The following PTPRD variants were observed in gnomAD, a reference collection of about 807,000 sequenced individuals.
PTPRD encodes the protein protein tyrosine phosphatase receptor type D.
A neutral mutation model predicts 214.5 loss-of-function variants in PTPRD; 34 were observed. That is an observed-to-expected ratio of 0.16 (90% CI 0.12 to 0.21). PTPRD has a LOEUF of 0.21. Among genes scored for constraint, PTPRD ranks in the 10% least tolerant of loss-of-function variants. The pLI is 1.00. For missense variants in PTPRD, 2,545 were observed against 2,398.7 expected (o/e 1.06, Z -1.27); for synonymous variants, 1,128 against 845.7 (o/e 1.33, Z -5.79).
intron 10 of PTPRD, among the ~76,000 whole-genome samples, chr9:9,106,682 G>T (rs2099799108): frequency 7.1e-6 from 1 of 141,842 alleles, no homozygotes; most frequent in African/African-American, 2.6e-5. Context: ...TGTATAATTT[G>T]CCAATAGAAT....
chr9:9,113,346 C>T (rs116193600), intron 10 of PTPRD, among the ~76,000 whole-genome samples: 4,710 of 151,898 alleles, frequency 0.031, 159 homozygotes, highest in African/African-American at 0.08. Context: ...TAAGTATATT[C>T]GATATTTACT....
intron 5 of PTPRD, among the ~76,000 whole-genome samples, chr9:9,778,074 C>T (rs1260111961): frequency 6.6e-6 from 1 of 152,156 alleles, no homozygotes; most frequent in South Asian, 2.1e-4. Flanking sequence ...GGAAGTGACA[C>T]TCCCATTGAG....
At chr9:9,901,621 C>G (rs1171623523) in intron 5 of PTPRD, among the ~76,000 whole-genome samples, 2 of 151,996 alleles carry the variant, frequency 1.3e-5, no homozygotes, top group African/African-American at 2.4e-5. Flanking sequence ...CCAGAGAAAT[C>G]TGACTTCTTT....
intron 10 of PTPRD, among the ~76,000 whole-genome samples, chr9:9,032,966 C>A (rs1047363638): frequency 6.6e-6 from 1 of 152,052 alleles, no homozygotes; most frequent in Admixed American, 6.6e-5. Flanking sequence ...CCAGCAGATA[C>A]ACTTCATATT....
chr9:10,247,006 T>C (rs2092218843), intron 3 of PTPRD, among the ~76,000 whole-genome samples: 1 of 152,104 alleles, frequency 6.6e-6, no homozygotes, highest in African/African-American at 2.4e-5. Flanking sequence ...ACAAACTAAA[T>C]ACTCACTAAC....
rs768935021 is a variant in PTPRD, at chr9:10,063,465, C to A, written c.-544-29675G>T. ...CGTTATGAAGAGCAAAAAGAGAAATCTTGGGGTTTATGATCTAGATATCTA... is the reference window on the plus strand; with the variant it reads ...CGTTATGAAGAGCAAAAAGAGAAATATTGGGGTTTATGATCTAGATATCTA... On this transcript the variant is annotated intron_variant, in intron 3 of 45. Transcript: ENST00000381196. 2.6e-5 allele frequency among the ~76,000 whole-genome samples: 4 copies of A among 151,932 alleles called. No homozygotes were observed. The South Asian group carries it at 6.2e-4, about 24-fold the overall frequency.
intron 2 of PTPRD, among the ~76,000 whole-genome samples, chr9:10,370,506 A>T (rs2097589606): frequency 6.6e-6 from 1 of 152,074 alleles, no homozygotes; most frequent in Non-Finnish European, 1.5e-5. Flanking sequence ...AAACTTCTAC[A>T]TGTTTGGCCT....
chr9:9,325,814 A>T (rs1372481809), intron 9 of PTPRD, among the ~76,000 whole-genome samples: 1 of 152,164 alleles, frequency 6.6e-6, no homozygotes, highest in Non-Finnish European at 1.5e-5. Context: ...ATTCAGTATA[A>T]TACTGGCTGT....
chr9:10,604,378 T>G (rs893997543), intron 2 of PTPRD, among the ~76,000 whole-genome samples: 6 of 151,782 alleles, frequency 4.0e-5, no homozygotes, highest in African/African-American at 1.5e-4. Flanking sequence ...TCTTAGTGAA[T>G]GTGTAATTTG....
At chr9:8,777,223 T>A (rs10815938) in intron 11 of PTPRD, among the ~76,000 whole-genome samples, 83,566 of 151,258 alleles carry the variant, frequency 0.55, 23,134 homozygotes, top group Middle Eastern at 0.64. Context: ...CAAGTGATAC[T>A]CCTGCTTCCA....
chr9:8,473,098 C>G (rs575663240), intron 30 of PTPRD, among the ~76,000 whole-genome samples: 1 of 152,088 alleles, frequency 6.6e-6, no homozygotes, highest in Non-Finnish European at 1.5e-5. Flanking sequence ...CATGAAATTC[C>G]GTGAGCTGCA....
chr9:9,046,789 A>G (rs1190031062), intron 10 of PTPRD, among the ~76,000 whole-genome samples: 2 of 152,164 alleles, frequency 1.3e-5, no homozygotes, highest in Non-Finnish European at 2.9e-5. Context: ...ATATCTGTTT[A>G]CAACATACCC....
At chr9:8,876,743 T>C (rs1461818636) in intron 11 of PTPRD, among the ~76,000 whole-genome samples, 1 of 152,174 alleles carries the variant, frequency 6.6e-6, no homozygotes, top group Non-Finnish European at 1.5e-5. Context: ...CAGGTACCCT[T>C]TGCAAATAAG....
intron 2 of PTPRD, among the ~76,000 whole-genome samples, chr9:10,573,432 T>A (rs1039953971): frequency 3.3e-5 from 5 of 152,136 alleles, no homozygotes; most frequent in Non-Finnish European, 5.9e-5. Flanking sequence ...GATATCCTCA[T>A]AGTGCACACA....
chr9:9,355,971 A>C (rs2053608843), intron 9 of PTPRD, among the ~76,000 whole-genome samples: 1 of 151,498 alleles, frequency 6.6e-6, no homozygotes, highest in Admixed American at 6.6e-5. Flanking sequence ...CAGTAAGATT[A>C]AACAAAATGG....
chr9:8,957,806 T>A (rs918608080), intron 11 of PTPRD, among the ~76,000 whole-genome samples: 3 of 151,734 alleles, frequency 2.0e-5, no homozygotes, highest in Non-Finnish European at 4.4e-5. Flanking sequence ...AGTATGCAAG[T>A]GCTGGGAAGT....
Position 9,590,316 on chromosome 9 carries a change from C to A in PTPRD, c.-286-15535G>T, listed in dbSNP as rs183339950. 5.9e-5 allele frequency among the ~76,000 whole-genome samples: 9 copies of A among 151,938 alleles called. No homozygotes were observed. In the East Asian group the frequency reaches 1.8e-3, roughly 30 times the overall value. On this transcript the variant is annotated intron_variant, in intron 7 of 45. Transcript: ENST00000381196. Reference sequence around the variant, plus strand: ...ATCTTTGCTCCCTTTACTAATATATCCAAAGTGCTTAAAAGAGAGCTTAAC... The same window carrying A: ...ATCTTTGCTCCCTTTACTAATATATACAAAGTGCTTAAAAGAGAGCTTAAC...
chr9:8,619,925 C>G (rs2095758584), intron 14 of PTPRD, among the ~76,000 whole-genome samples: 1 of 151,998 alleles, frequency 6.6e-6, no homozygotes, highest in Admixed American at 6.6e-5. Context: ...GTCAGAAAAT[C>G]TGGTAATCAC....
At chr9:9,933,281 G>C (rs1602718943) in intron 5 of PTPRD, among the ~76,000 whole-genome samples, 1 of 152,210 alleles carries the variant, frequency 6.6e-6, no homozygotes, top group South Asian at 2.1e-4. Flanking sequence ...ACACAGACTG[G>C]CAAATTGGAT....
Sources: gnomAD v4.1 joint callset for allele counts (sites outside exome capture counted in the v4.1 genomes callset) on GRCh38, gnomAD v4.1.1 for gene constraint, MANE v1.5 for transcripts, NCBI Gene and HGNC (gene_info 2026-07-23, HGNC 2026-07-21) for gene names.